Variants in PAXBP1 observed in about 807,000 individuals in gnomAD.
The protein encoded by PAXBP1 is PAX3 and PAX7 binding protein 1, also known as PAX3- and PAX7-binding protein 1.
PAXBP1 carries 44 observed loss-of-function variants against 119.9 expected under a neutral mutation model. That is an observed-to-expected ratio of 0.37 (90% confidence interval 0.29 to 0.47). PAXBP1 has a LOEUF of 0.47. PAXBP1 is among the 20% of genes least tolerant of loss of function. The probability of loss-of-function intolerance (pLI) is 0.99; values close to 1 mark genes in which losing one functional copy is unlikely to be tolerated. For missense variants in PAXBP1, 898 were observed against 1,134.1 expected (o/e 0.79, Z 2.99); for synonymous variants, 393 against 406.6 (o/e 0.97, Z 0.40).
At chr21:32,745,048 C>A in intron 12 of PAXBP1, 135 bp from the exon 13 acceptor site, 1 of 948,714 alleles carries the variant, frequency 1.1e-6, no homozygotes, top group South Asian at 1.8e-5. Flanking sequence ...TCTTCTTTGT[C>A]CTATTAACTG....
intron 17 of PAXBP1, 125 bp from the exon 18 acceptor site, chr21:32,735,192 G>A: frequency 4.5e-6 from 3 of 662,282 alleles, no homozygotes; most frequent in Non-Finnish European, 7.8e-6. Context: ...TTCAAAGAAA[G>A]GAAACAGATA....
intron 11 of PAXBP1, among the ~76,000 whole-genome samples, chr21:32,746,615 A>C (rs963905931): frequency 1.3e-5 from 2 of 152,216 alleles, no homozygotes; most frequent in African/African-American, 4.8e-5. Context: ...GATGCTGGTA[A>C]GGTTTCAGAG....
chr21:32,753,592 C>G (rs571720455), intron 8 of PAXBP1, among the ~76,000 whole-genome samples: 2 of 152,272 alleles, frequency 1.3e-5, no homozygotes, highest in South Asian at 2.1e-4. Flanking sequence ...GCTTATAAAT[C>G]TAAACAGAAG....
Position 32,750,954 on chromosome 21 carries a change from T to G in PAXBP1, c.1686A>C (p.Glu562Asp). 1 of 1,613,986 alleles carries G rather than the reference T, an allele frequency of 6.2e-7. No individual in the cohort carries two copies. Among genetic ancestry groups the G allele is most frequent in the Non-Finnish European group, 8.5e-7 (1 of 1,179,936 alleles). ...HLEGLSSDDE[E>D]TSTDITNFNL... ...TGAAATTAGTAATATCTGTAGAAGT[T>G]TCTTCATCATCACTGGAAAGGCCTT... Residue 562 changes from glutamate (E) to aspartate (D), a missense_variant, in exon 10 of 18, where the codon GAA (glutamate) becomes GAC (aspartate). Physicochemically the swap from Glu to Asp is conservative, Grantham distance 45. This residue lies in a region of PAXBP1 where 599 missense variants were observed against 852.7 expected (regional missense o/e 0.70). Transcript: ENST00000331923.
In PAXBP1 at chr21:32,743,302, A is replaced by G; in HGVS notation, c.2280T>C (p.Asn760=). ...MPLYPKNVLE[N]KNSGPYLFFQ... ...AAAACAAGTAAGGCCCAGAATTTTT[A>G]TTTTCTAAGACACTAAGTAAAAAAA... The change falls in exon 15 of 18, where the codon AAT becomes AAC. Residue 760 remains asparagine (N), a synonymous_variant. Transcript: ENST00000331923. 1 of 1,570,628 alleles carries G rather than the reference A, an allele frequency of 6.4e-7. No individual in the cohort carries two copies. The highest frequency in any genetic ancestry group is 8.6e-7 in the Non-Finnish European group (1 of 1,165,852).
chr21:32,770,164 GCACAT>G, intron 1 of PAXBP1, among the ~76,000 whole-genome samples: 1 of 152,124 alleles, frequency 6.6e-6, no homozygotes, highest in Non-Finnish European at 1.5e-5. Context: ...TAAAGGAATA[GCACAT>G]GTAACTTCAC....
rs756990684 is a variant in PAXBP1, at chr21:32,738,330, G to GA, written c.2335-12dup. 43 of 1,566,382 alleles carry GA rather than the reference G, an allele frequency of 2.7e-5. No homozygotes were observed. The highest frequency in any genetic ancestry group is 2.0e-4 in the African/African-American group (14 of 71,658). On this transcript the variant is annotated splice_polypyrimidine_tract_variant and intron_variant, in intron 15 of 17. Transcript: ENST00000331923. Reference sequence around the variant, plus strand: ...AAAATTGCCTAACAGCTGGAAAGAAGAAAAAAAATAGGTAATGTGAAACAA... The same window carrying GA: ...AAAATTGCCTAACAGCTGGAAAGAAGAAAAAAAAATAGGTAATGTGAAACAA...
chr21:32,753,564 C>T (rs966978926), intron 8 of PAXBP1, among the ~76,000 whole-genome samples: 2 of 151,962 alleles, frequency 1.3e-5, no homozygotes, highest in African/African-American at 4.8e-5. Context: ...GAATTATACA[C>T]AGTAATTGCA....
chr21:32,738,036 G>A (rs948069482), intron 16 of PAXBP1, 137 bp downstream of exon 16: 3 of 815,152 alleles, frequency 3.7e-6, no homozygotes, highest in Admixed American at 7.1e-5. Context: ...TACCTGGGTA[G>A]GCAAACTGTC....
At chr21:32,759,643 T>C in intron 6 of PAXBP1, 134 bp downstream of exon 6, 1 of 776,230 alleles carries the variant, frequency 1.3e-6, no homozygotes. Flanking sequence ...TATGAAGTCA[T>C]CTTCTGTTTA....
intron 12 of PAXBP1, among the ~76,000 whole-genome samples, chr21:32,745,239 T>C (rs561395900): frequency 1.3e-5 from 2 of 152,334 alleles, no homozygotes; most frequent in Admixed American, 1.3e-4. Flanking sequence ...TTCCTAATCT[T>C]TTTTGAGGAA....
At chr21:32,752,778 G>T (rs892557767) in intron 8 of PAXBP1, among the ~76,000 whole-genome samples, 3 of 152,094 alleles carry the variant, frequency 2.0e-5, no homozygotes, top group African/African-American at 7.2e-5. Context: ...GAGTAGCTGG[G>T]ATTACAGGCA....
intron 15 of PAXBP1, chr21:32,741,248 T>C: frequency 3.6e-6 from 1 of 274,284 alleles, no homozygotes; most frequent in East Asian, 7.3e-5. Flanking sequence ...ATAGAAGGTC[T>C]GTTCATAACC....
exon 1 of PAXBP1, chr21:32,771,743 ACGCGCGCTCTCCGG>A: frequency 8.1e-7 from 1 of 1,240,448 alleles, no homozygotes; most frequent in Non-Finnish European, 1.0e-6. Context: ...GTGACGGCGC[ACGCGCGCTCTCCGG>A]AGCTCCAGCC....
chr21:32,757,708 G>T (rs2044066661), intron 7 of PAXBP1, among the ~76,000 whole-genome samples: 1 of 152,192 alleles, frequency 6.6e-6, no homozygotes, highest in Non-Finnish European at 1.5e-5. Context: ...ACTTCAAGAA[G>T]CAGCTCTCCA....
At chr21:32,766,318 T>A (rs1486481600) in intron 2 of PAXBP1, among the ~76,000 whole-genome samples, 1 of 152,192 alleles carries the variant, frequency 6.6e-6, no homozygotes, top group Non-Finnish European at 1.5e-5. Context: ...GCCGAAAGCA[T>A]GGTGATATGT....
Position 32,761,069 on chromosome 21 carries a change from T to C in PAXBP1, c.965A>G (p.Asn322Ser), listed in dbSNP as rs750122564. The change falls in exon 5 of 18, where the codon AAT becomes AGT. Residue 322 changes from asparagine to serine, a missense_variant. Asn to Ser is a conservative substitution (Grantham distance 46). This residue lies in a region of PAXBP1 where 599 missense variants were observed against 852.7 expected (regional missense o/e 0.70). Coordinates refer to ENST00000331923, the MANE Select transcript of PAXBP1 (RefSeq NM_016631.4). The part of the protein sequence containing the change: ...WEQEQIRKGI[N>S]IPQVQASQPA... ...ATTCTTTTGTCGTACCTGAGGGATA[T>C]TAATTCCTTTCCTTATCTGCTCCTG... The C allele has an allele frequency of 1.2e-6, 2 of 1,612,418 alleles. No individual in the cohort carries two copies. Among genetic ancestry groups the C allele is most frequent in the South Asian group, 2.2e-5 (2 of 90,684 alleles).
At chr21:32,750,706 C>G (rs1185824464) in intron 10 of PAXBP1, among the ~76,000 whole-genome samples, 2 of 152,140 alleles carry the variant, frequency 1.3e-5, no homozygotes, top group Admixed American at 1.3e-4. Context: ...TATGCAAATA[C>G]TAAGTACACC....
At chr21:32,746,657 G>A (rs922218525) in intron 11 of PAXBP1, among the ~76,000 whole-genome samples, 2 of 151,862 alleles carry the variant, frequency 1.3e-5, no homozygotes, top group Admixed American at 1.3e-4. Context: ...ATTGGTGGGA[G>A]TGTAAGGAAG....
Sources: gnomAD v4.1 joint callset for allele counts (sites outside exome capture counted in the v4.1 genomes callset) on GRCh38, gnomAD v4.1.1 for gene constraint, gnomAD v4.1.1 regional missense constraint, MANE v1.5 for transcripts, NCBI Gene and HGNC (gene_info 2026-07-23, HGNC 2026-07-21) for gene names.